TRDN: variants seen among roughly 807,000 people sequenced by gnomAD.
The protein encoded by TRDN is triadin, also known as triadin in skeletal muscle.
A neutral mutation model predicts 149.7 loss-of-function variants in TRDN; 161 were observed. That is an observed-to-expected ratio of 1.08 (90% CI 0.95 to 1.23). TRDN has a LOEUF of 1.23. Ranked by LOEUF, TRDN falls within the 50% of genes most tolerant of loss-of-function variation. The pLI, the probability that TRDN is intolerant of heterozygous loss-of-function variation, is 0.00. For synonymous variants in TRDN, 294 were observed against 250.5 expected, an observed-to-expected ratio of 1.17 and a Z score of -1.64; for missense variants, 896 against 823.5, an observed-to-expected ratio of 1.09 and a Z score of -1.08.
chr6:123,349,809 A>T, intron 21 of TRDN: 2 of 985,238 alleles, frequency 2.0e-6, no homozygotes, highest in Non-Finnish European at 2.4e-6. Context: ...AGACCAGTGC[A>T]TACACAAAGA....
intron 24 of TRDN, among the ~76,000 whole-genome samples, chr6:123,291,833 C>G (rs1778023218): frequency 6.6e-6 from 1 of 152,108 alleles, no homozygotes; most frequent in South Asian, 2.1e-4. Context: ...CTTTTGAAAG[C>G]TATGCAGATC....
intron 2 of TRDN, among the ~76,000 whole-genome samples, chr6:123,556,433 A>C (rs1781659214): frequency 1.3e-5 from 2 of 152,206 alleles, no homozygotes; most frequent in African/African-American, 4.8e-5. Context: ...TCCTCAAAGC[A>C]TGATGACATT....
At chr6:123,558,601 T>A (rs1400763916) in intron 2 of TRDN, among the ~76,000 whole-genome samples, 1 of 152,196 alleles carries the variant, frequency 6.6e-6, no homozygotes, top group African/African-American at 2.4e-5. Flanking sequence ...TACAGCCCTA[T>A]ACCCTAAAAT....
At chr6:123,436,623 C>A (rs964862240) in intron 12 of TRDN, among the ~76,000 whole-genome samples, 2 of 152,082 alleles carry the variant, frequency 1.3e-5, no homozygotes, top group African/African-American at 4.8e-5. Context: ...TTTCCACATA[C>A]ATTATTACTA....
Position 123,371,671 on chromosome 6 carries a change from T to C in TRDN, c.1273+3934A>G, listed in dbSNP as rs1015353276. ...GTCAGTATTCATCAGTCTAGCTCTT[T>C]GTGTCAACCTTGATGAACATTCTTG... is the stretch of plus-strand genomic sequence containing the variant. On this transcript the variant is annotated intron_variant, in intron 19 of 40. Coordinates refer to ENST00000334268, the MANE Select transcript of TRDN (RefSeq NM_006073.4). Among the ~76,000 whole-genome samples the C allele has an allele frequency of 3.3e-5, 5 of 152,302 alleles. No individual in the cohort carries two copies. The East Asian group carries it at 7.7e-4, about 24-fold the overall frequency.
At chr6:123,394,124 A>C (rs1221933876) in intron 12 of TRDN, among the ~76,000 whole-genome samples, 1 of 152,036 alleles carries the variant, frequency 6.6e-6, no homozygotes, top group Non-Finnish European at 1.5e-5. Flanking sequence ...CAAGCCTTTG[A>C]CTCTAAAATG....
intron 1 of TRDN, among the ~76,000 whole-genome samples, chr6:123,608,261 C>T (rs984421694): frequency 6.6e-6 from 1 of 152,038 alleles, no homozygotes; most frequent in Admixed American, 6.6e-5. Context: ...CTTTAAGTTT[C>T]ATTATTAATA....
intron 12 of TRDN, 121 bp downstream of exon 12, chr6:123,437,942 C>T: frequency 4.8e-6 from 4 of 837,628 alleles, no homozygotes; most frequent in African/African-American, 1.8e-5. Context: ...TTTGCTTTGA[C>T]CTTCACGTCT....
chr6:123,554,303 A>G (rs1367347273), intron 2 of TRDN, among the ~76,000 whole-genome samples: 1 of 152,082 alleles, frequency 6.6e-6, no homozygotes, highest in African/African-American at 2.4e-5. Context: ...CAAAGCAGAG[A>G]TTTCTCTTTT....
At chr6:123,304,896 C>T (rs1408137783) in intron 24 of TRDN, among the ~76,000 whole-genome samples, 1 of 151,658 alleles carries the variant, frequency 6.6e-6, no homozygotes, top group Non-Finnish European at 1.5e-5. Flanking sequence ...CTTTGTTTTC[C>T]AGATTTCAAA....
chr6:123,572,119 G>A (rs1459390511), intron 1 of TRDN, among the ~76,000 whole-genome samples: 1 of 152,018 alleles, frequency 6.6e-6, no homozygotes, highest in Admixed American at 6.6e-5. Context: ...TACTATCAGT[G>A]ATGTTTAAAA....
chr6:123,549,234 G>A (rs1022162879), intron 2 of TRDN, among the ~76,000 whole-genome samples: 38 of 152,146 alleles, frequency 2.5e-4, no homozygotes, highest in African/African-American at 7.2e-4. Flanking sequence ...GAATCTATAA[G>A]TCTTCCCTTT....
intron 10 of TRDN, among the ~76,000 whole-genome samples, chr6:123,463,450 T>A (rs912811584): frequency 4.6e-5 from 7 of 152,004 alleles, no homozygotes; most frequent in Non-Finnish European, 8.8e-5. Context: ...AGTGACAGAT[T>A]GCTAAGCAAA....
intron 22 of TRDN, among the ~76,000 whole-genome samples, chr6:123,334,729 C>T (rs7743458): frequency 0.022 from 3,275 of 151,888 alleles, 109 homozygotes; most frequent in African/African-American, 0.067. Flanking sequence ...CAACGGTCAT[C>T]CCTAGAACTC....
chr6:123,234,347 A>G, intron 38 of TRDN, among the ~76,000 whole-genome samples: 1 of 152,254 alleles, frequency 6.6e-6, no homozygotes, highest in Middle Eastern at 3.4e-3. Context: ...ATATATGTTT[A>G]TAAACACACA....
At chr6:123,618,484 C>T (rs760878478) in intron 1 of TRDN, among the ~76,000 whole-genome samples, 15 of 152,096 alleles carry the variant, frequency 9.9e-5, no homozygotes, top group Non-Finnish European at 1.8e-4. Flanking sequence ...TCCTCTCTCC[C>T]GCTCGAGGTT....
chr6:123,477,752 C>T (rs1454375182), intron 9 of TRDN, among the ~76,000 whole-genome samples: 1 of 152,090 alleles, frequency 6.6e-6, no homozygotes, highest in African/African-American at 2.4e-5. Context: ...AGTTCATGTC[C>T]TTTGTAGGGA....
chr6:123,290,476 C>A (rs1777964146), intron 24 of TRDN, among the ~76,000 whole-genome samples: 1 of 152,120 alleles, frequency 6.6e-6, no homozygotes, highest in African/African-American at 2.4e-5. Context: ...GAATTTTTAT[C>A]TAAGTAAATC....
chr6:123,278,378 G>T, intron 25 of TRDN, 31 bp from the exon 26 acceptor site: 1 of 1,205,432 alleles, frequency 8.3e-7, no homozygotes, highest in South Asian at 1.6e-5. Context: ...TAGTAACAAT[G>T]ATTATAGAAA....
Sources: gnomAD v4.1 joint callset for allele counts (sites outside exome capture counted in the v4.1 genomes callset) on GRCh38, gnomAD v4.1.1 for gene constraint, MANE v1.5 for transcripts, NCBI Gene and HGNC (gene_info 2026-07-23, HGNC 2026-07-21) for gene names.